The following PARVA variants were observed in gnomAD, a reference collection of about 807,000 sequenced individuals.
PARVA encodes the protein parvin alpha.
PARVA carries 25 observed loss-of-function variants against 52.6 expected under a neutral mutation model. The ratio of observed to expected loss-of-function variants is 0.48; its 90% CI spans 0.35 to 0.66. PARVA has a LOEUF of 0.66. Among genes scored for constraint, PARVA ranks in the 30% least tolerant of loss-of-function variants. PARVA has a pLI of 0.01. For missense variants in PARVA, 373 were observed against 450.9 expected, an observed-to-expected ratio of 0.83 and a Z score of 1.56; for synonymous variants, 185 against 179.1, an observed-to-expected ratio of 1.03 and a Z score of -0.26.
intron 4 of PARVA, among the ~76,000 whole-genome samples, chr11:12,493,627 A>G (rs962896504): frequency 6.6e-6 from 1 of 152,164 alleles, no homozygotes; most frequent in Non-Finnish European, 1.5e-5. Context: ...AAAAAAAGGA[A>G]AAAAATTAAT....
rs192178899 is a variant in PARVA at position 12,408,889 on chromosome 11, A to G, written c.136+31106A>G. The stretch of plus-strand genomic sequence containing the variant: ...GACAGATATTTCAGTGGGGATTGGA[A>G]TAGTGAAGTGGGACTAACTATGATC... On this transcript the variant is annotated intron_variant, in intron 1 of 12. Transcript: ENST00000334956. 3.9e-5 allele frequency among the ~76,000 whole-genome samples: 6 copies of G among 152,358 alleles called. No individual in the cohort carries two copies. In the East Asian group the frequency reaches 9.6e-4, roughly 24 times the overall value.
chr11:12,515,408 T>C (rs1371330439), intron 10 of PARVA, among the ~76,000 whole-genome samples: 1 of 152,184 alleles, frequency 6.6e-6, no homozygotes, highest in East Asian at 1.9e-4. Flanking sequence ...ATAAGGAATG[T>C]TCTGGAAAAG....
At chr11:12,513,386 C>T (rs1029443063) in intron 9 of PARVA, 26 bp downstream of exon 9, 14 of 1,598,298 alleles carry the variant, frequency 8.8e-6, no homozygotes, top group African/African-American at 8.0e-5. Context: ...CTGGGATGGA[C>T]AGAGGGAAGC....
At chr11:12,408,893 T>A (rs1201455585) in intron 1 of PARVA, among the ~76,000 whole-genome samples, 1 of 152,130 alleles carries the variant, frequency 6.6e-6, no homozygotes, top group African/African-American at 2.4e-5. Flanking sequence ...ATTGGAATAG[T>A]GAAGTGGGAC....
intron 1 of PARVA, among the ~76,000 whole-genome samples, chr11:12,457,480 C>G (rs1564851870): frequency 3.3e-5 from 5 of 152,238 alleles, no homozygotes; most frequent in Admixed American, 3.3e-4. Flanking sequence ...AACCCCTCCT[C>G]TCAGAACCAG....
intron 6 of PARVA, among the ~76,000 whole-genome samples, chr11:12,508,116 A>AAC (rs1554902291): frequency 2.0e-4 from 25 of 125,112 alleles, no homozygotes; most frequent in African/African-American, 8.9e-4. Flanking sequence ...AAAAAAAAAA[A>AAC]AAAAAACCAA....
intron 12 of PARVA, among the ~76,000 whole-genome samples, chr11:12,521,154 A>T (rs549692002): frequency 2.6e-4 from 40 of 152,286 alleles, no homozygotes; most frequent in Non-Finnish European, 3.8e-4. Context: ...GTAGGACTAA[A>T]TATCTAAAAT....
At chr11:12,407,102 G>A (rs575532619) in intron 1 of PARVA, among the ~76,000 whole-genome samples, 102 of 152,236 alleles carry the variant, frequency 6.7e-4, no homozygotes, top group African/African-American at 2.2e-3. Context: ...AAGATTTTAA[G>A]CTTTTGATGT....
At chr11:12,440,036 G>T (rs757441231) in intron 1 of PARVA, among the ~76,000 whole-genome samples, 1 of 152,108 alleles carries the variant, frequency 6.6e-6, no homozygotes, top group Non-Finnish European at 1.5e-5. Context: ...CCTTTCCATT[G>T]TTTCTCTCCT....
chr11:12,400,661 T>C (rs978575640), intron 1 of PARVA, among the ~76,000 whole-genome samples: 2 of 152,256 alleles, frequency 1.3e-5, no homozygotes, highest in Non-Finnish European at 2.9e-5. Flanking sequence ...TAAAAATTTT[T>C]CTTTCCTTCC....
rs982462733 is a variant in PARVA at position 12,533,014 on chromosome 11, G to A, written c.*5089G>A. On this transcript the variant is annotated 3_prime_UTR_variant, in exon 13 of 13. Coordinates refer to ENST00000334956, the MANE Select transcript of PARVA (RefSeq NM_018222.5). ...CATGTCATACCATGGTCCTGGCTGG[G>A]GAGCGGAGGAGACCAGGAGAGGAGA... 1.3e-5 allele frequency among the ~76,000 whole-genome samples: 2 copies of A among 152,180 alleles called. No homozygotes were observed. The highest frequency in any genetic ancestry group is 4.8e-5 in the African/African-American group (2 of 41,438).
At chr11:12,387,555 G>GTA (rs1280090382) in intron 1 of PARVA, among the ~76,000 whole-genome samples, 1 of 7,868 alleles carries the variant, frequency 1.3e-4, no homozygotes. Context: ...ATTTTTGAGC[G>GTA]TGTGTGTGTG....
At chr11:12,416,655 GAGAA>G (rs1269342297) in intron 1 of PARVA, among the ~76,000 whole-genome samples, 2 of 152,022 alleles carry the variant, frequency 1.3e-5, no homozygotes, top group Non-Finnish European at 2.9e-5. Context: ...AGGGGAGAAA[GAGAA>G]AGAAGCGAGT....
At position 12,452,572 on chromosome 11, in the gene PARVA, T is replaced by C. The variant is rs193235465; in HGVS notation, c.137-21173T>C. On this transcript the variant is annotated intron_variant, in intron 1 of 12. Coordinates refer to ENST00000334956, the MANE Select transcript of PARVA (RefSeq NM_018222.5). Reference sequence around the variant, plus strand: ...TGTCAGATCCCCATGACCTTGAGTCTGTGAGTCAGCTAAGAAATTTCAGAT... The same window carrying C: ...TGTCAGATCCCCATGACCTTGAGTCCGTGAGTCAGCTAAGAAATTTCAGAT... 2.0e-5 allele frequency among the ~76,000 whole-genome samples: 3 copies of C among 152,330 alleles called. No individual in the cohort carries two copies. In the East Asian group the frequency reaches 5.8e-4, roughly 29 times the overall value.
chr11:12,428,660 T>A (rs979912250), intron 1 of PARVA, among the ~76,000 whole-genome samples: 2 of 152,350 alleles, frequency 1.3e-5, no homozygotes, highest in South Asian at 4.1e-4. Context: ...TCTGAATCCC[T>A]GATTTGGCTC....
chr11:12,412,712 A>G (rs933300309), intron 1 of PARVA, among the ~76,000 whole-genome samples: 6 of 151,682 alleles, frequency 4.0e-5, no homozygotes, highest in Admixed American at 3.3e-4. Flanking sequence ...GGGACAAAAG[A>G]TCCTGAGAGC....
intron 1 of PARVA, among the ~76,000 whole-genome samples, chr11:12,401,196 A>G (rs903887595): frequency 6.6e-6 from 1 of 152,192 alleles, no homozygotes; most frequent in Non-Finnish European, 1.5e-5. Flanking sequence ...AAAAGAGCAT[A>G]CTTGGAATCT....
intron 1 of PARVA, among the ~76,000 whole-genome samples, chr11:12,385,413 G>C (rs544040100): frequency 6.6e-6 from 1 of 152,186 alleles, no homozygotes; most frequent in South Asian, 2.1e-4. Flanking sequence ...GCAAGGGAAG[G>C]AGTGAGGGTC....
At chr11:12,469,458 G>T (rs1940901638) in intron 1 of PARVA, among the ~76,000 whole-genome samples, 1 of 152,190 alleles carries the variant, frequency 6.6e-6, no homozygotes, top group Non-Finnish European at 1.5e-5. Flanking sequence ...ATAAACATCA[G>T]ATTCCCATTC....
Sources: gnomAD v4.1 joint callset for allele counts (sites outside exome capture counted in the v4.1 genomes callset) on GRCh38, gnomAD v4.1.1 for gene constraint, MANE v1.5 for transcripts, NCBI Gene and HGNC (gene_info 2026-07-23, HGNC 2026-07-21) for gene names.